The following TEX14 variants were observed in gnomAD, a reference collection of about 807,000 sequenced individuals.
TEX14 encodes inactive serine/threonine-protein kinase TEX14.
A neutral mutation model predicts 178.6 loss-of-function variants in TEX14; 168 were observed. The ratio of observed to expected loss-of-function variants is 0.94; its 90% CI spans 0.83 to 1.07. TEX14 has a LOEUF of 1.07. Among genes scored for constraint, TEX14 ranks in the 50% least tolerant of loss-of-function variants. The pLI is 0.00. For synonymous variants in TEX14, 626 were observed against 634.1 expected, an observed-to-expected ratio of 0.99 and a Z score of 0.19; for missense variants, 1,730 against 1,753.6, an observed-to-expected ratio of 0.99 and a Z score of 0.24.
chr17:58,687,540 T>G (rs1333494907), intron 1 of TEX14, among the ~76,000 whole-genome samples: 1 of 152,020 alleles, frequency 6.6e-6, no homozygotes, highest in East Asian at 1.9e-4. Flanking sequence ...TTCACCATGT[T>G]GGCCAGGCTG....
intron 28 of TEX14, 44 bp downstream of exon 28, chr17:58,564,825 T>A (rs1355108553): frequency 8.1e-7 from 1 of 1,235,670 alleles, no homozygotes; most frequent in East Asian, 2.5e-5. Context: ...ACATAAACTA[T>A]ACAATTTTTT....
At chr17:58,668,447 C>G (rs532010411) in intron 1 of TEX14, among the ~76,000 whole-genome samples, 128 of 152,344 alleles carry the variant, frequency 8.4e-4, no homozygotes, top group African/African-American at 2.9e-3. Flanking sequence ...TAACTGGAGC[C>G]TGGGTCCAGT....
intron 1 of TEX14, among the ~76,000 whole-genome samples, chr17:58,659,143 T>C (rs911756412): frequency 1.3e-5 from 2 of 150,902 alleles, no homozygotes; most frequent in Non-Finnish European, 2.9e-5. Context: ...ACTAGTTCAA[T>C]CACAGGACAG....
intron 1 of TEX14, among the ~76,000 whole-genome samples, chr17:58,658,149 C>T (rs141961184): frequency 3.0e-4 from 46 of 152,172 alleles, no homozygotes; most frequent in African/African-American, 1.0e-3. Flanking sequence ...CTCAGTTCCT[C>T]GAATGCTCCA....
intron 2 of TEX14, among the ~76,000 whole-genome samples, chr17:58,645,008 TG>T (rs766193174): frequency 5.5e-5 from 8 of 146,140 alleles, no homozygotes; most frequent in Non-Finnish European, 1.2e-4. Flanking sequence ...TTTTTTGAGA[TG>T]GAGTCTCGCT....
At chr17:58,638,836 G>A (rs559267296) in intron 2 of TEX14, among the ~76,000 whole-genome samples, 17 of 149,328 alleles carry the variant, frequency 1.1e-4, no homozygotes, top group South Asian at 6.4e-4. Flanking sequence ...CACTGCGACC[G>A]GCCTGGAGAC....
At chr17:58,620,966 G>A (rs1324714493) in intron 5 of TEX14, among the ~76,000 whole-genome samples, 1 of 152,178 alleles carries the variant, frequency 6.6e-6, no homozygotes, top group Non-Finnish European at 1.5e-5. Context: ...ATGAATGACA[G>A]GACAAGGAAG....
chr17:58,650,317 G>A (rs1017334060), intron 2 of TEX14, among the ~76,000 whole-genome samples: 4 of 152,164 alleles, frequency 2.6e-5, no homozygotes, highest in Non-Finnish European at 5.9e-5. Context: ...CTCCCAAAGT[G>A]CTGGGATTAC....
chr17:58,614,481 C>T (rs2045824239), intron 8 of TEX14, among the ~76,000 whole-genome samples: 1 of 152,180 alleles, frequency 6.6e-6, no homozygotes, highest in Non-Finnish European at 1.5e-5. Context: ...CAGAGCGAGA[C>T]TCAATCCTAC....
intron 3 of TEX14, among the ~76,000 whole-genome samples, chr17:58,629,884 C>T (rs12949598): frequency 0.23 from 34,138 of 145,388 alleles, 5,094 homozygotes; most frequent in Middle Eastern, 0.41. Context: ...TATTAAACTC[C>T]GATTCTTTTC....
At chr17:58,587,847 A>ACCCCCCC in intron 16 of TEX14, 49 bp downstream of exon 16, 1 of 621,342 alleles carries the variant, frequency 1.6e-6, no homozygotes, top group Non-Finnish European at 3.0e-6. Flanking sequence ...GCCAGAACCC[A>ACCCCCCC]CCCCCACCCC....
rs73329041 is a variant in TEX14, at chr17:58,679,847, T to C, written c.-2+12092A>G. ...CACCTGTATTTTTAATATCTGGCTA[T>C]TCAAAATCTTAAGAAATATAAGCCT... On this transcript the variant is annotated intron_variant, in intron 1 of 31. Coordinates refer to ENST00000349033, the MANE Select transcript of TEX14 (RefSeq NM_031272.5). 9.0e-3 allele frequency among the ~76,000 whole-genome samples: 1,375 copies of C among 152,238 alleles called. 23 individuals are homozygous for C. Among genetic ancestry groups the C allele is most frequent in the African/African-American group, 0.031 (1,269 of 41,538 alleles).
intron 2 of TEX14, among the ~76,000 whole-genome samples, chr17:58,647,013 C>T (rs1056530569): frequency 6.6e-6 from 1 of 151,712 alleles, no homozygotes; most frequent in Non-Finnish European, 1.5e-5. Flanking sequence ...TCAAGCGATT[C>T]TCCTGCCTCA....
At chr17:58,649,797 T>A (rs2046800559) in intron 2 of TEX14, among the ~76,000 whole-genome samples, 1 of 152,136 alleles carries the variant, frequency 6.6e-6, no homozygotes. Context: ...TGGAGTGCAG[T>A]GGCGCGATCT....
chr17:58,671,457 C>T (rs574104179), intron 1 of TEX14, among the ~76,000 whole-genome samples: 1 of 152,230 alleles, frequency 6.6e-6, no homozygotes, highest in East Asian at 1.9e-4. Flanking sequence ...ACATCTTTCT[C>T]TTGGGGAGGG....
In TEX14 at chr17:58,599,374, C is replaced by T; in HGVS notation, c.1971G>A (p.Leu657=). 1 of 1,614,176 alleles carries T rather than the reference C, an allele frequency of 6.2e-7. No homozygotes were observed. Among genetic ancestry groups the T allele is most frequent in the Admixed American group, 1.7e-5 (1 of 60,020 alleles). Residue 657 remains leucine (L), a synonymous_variant, in exon 14 of 32, where the codon CTG becomes CTA. Transcript: ENST00000349033. The part of the protein sequence containing the change: ...EADGPNQVDE[L]KSMEEELDKM... ...TATCCAGCTCTTCTTCCATGGATTT[C>T]AGTTCATCTACCTGGTTAGGTCCGT... is the stretch of plus-strand genomic sequence containing the variant.
chr17:58,590,210 G>A (rs1401362593), intron 15 of TEX14, among the ~76,000 whole-genome samples: 9 of 147,510 alleles, frequency 6.1e-5, no homozygotes, highest in East Asian at 2.0e-4. Context: ...GCAGTGAGCC[G>A]AGTTTGCGCC....
intron 3 of TEX14, among the ~76,000 whole-genome samples, chr17:58,627,179 T>G (rs758901381): frequency 6.6e-6 from 1 of 152,150 alleles, no homozygotes; most frequent in Non-Finnish European, 1.5e-5. Flanking sequence ...TGATCTCAGC[T>G]GTGTCATTAA....
rs111345749 is a variant in TEX14, at chr17:58,564,679, C to A, written c.4064+190G>T. 9.8e-4 allele frequency among the ~76,000 whole-genome samples: 149 copies of A among 152,018 alleles called. 1 individual carries two copies. The highest frequency in any genetic ancestry group is 3.5e-3 in the African/African-American group (144 of 41,436). On this transcript the variant is annotated intron_variant, in intron 28 of 31. Coordinates refer to ENST00000349033, the MANE Select transcript of TEX14 (RefSeq NM_031272.5). ...AAATTTTGTTATATACATTGTATCA[C>A]AATTAAACATTTTTAAAGCAAAAAA...
Sources: allele counts gnomAD v4.1 joint callset (sites outside exome capture counted in the v4.1 genomes callset), GRCh38; gene constraint gnomAD v4.1.1; transcripts MANE v1.5; gene names NCBI Gene and HGNC (gene_info 2026-07-23, HGNC 2026-07-21).